Variants in SPATA6L observed in about 807,000 individuals in gnomAD.
SPATA6L encodes the protein spermatogenesis associated 6-like protein.
Under a neutral mutation model 49.2 loss-of-function variants are expected in SPATA6L, and 68 were observed. That is an observed-to-expected ratio of 1.38 (90% CI 1.14 to 1.69). SPATA6L has a LOEUF of 1.69. Ranked by LOEUF, SPATA6L falls within the 40% of genes most tolerant of loss-of-function variation. The pLI is 0.00. For missense variants in SPATA6L, 668 were observed against 464.3 expected (o/e 1.44, Z -4.03); for synonymous variants, 198 against 165.7 (o/e 1.19, Z -1.50).
chr9:4,635,327 G>C lies in SPATA6L; in HGVS notation c.299C>G (p.Ser100Trp). The change falls in exon 4 of 12, where the codon TCG becomes TGG. Residue 100 changes from serine to tryptophan, a missense_variant. By Grantham distance (177) the Ser-to-Trp change is radical (BLOSUM62 -3). Coordinates refer to ENST00000682582, the MANE Select transcript of SPATA6L (RefSeq NM_001353486.2). ...CACCTCCCTACACCTCCTAGGGTGC[G>C]AAGGTGTCAGCTTGGGCTCTGGGAA... ...FLFPEPKLTP[S>W]HPRRCREVLM... 6.3e-7 allele frequency: 1 copy of C among 1,589,730 alleles called. No homozygotes were observed. Among genetic ancestry groups the C allele is most frequent in the African/African-American group, 1.4e-5 (1 of 72,944 alleles).
intron 3 of SPATA6L, among the ~76,000 whole-genome samples, chr9:4,642,671 T>C (rs912483934): frequency 2.0e-5 from 3 of 151,928 alleles, no homozygotes; most frequent in African/African-American, 7.3e-5. Flanking sequence ...AGACATTTGC[T>C]AGTCTCATCT....
chr9:4,620,998 T>C lies in SPATA6L; in HGVS notation c.772+1410A>G, dbSNP rs574440061. 1.2e-4 allele frequency among the ~76,000 whole-genome samples: 19 copies of C among 152,356 alleles called. No homozygotes were observed. The East Asian group carries it at 3.7e-3, about 29-fold the overall frequency. On this transcript the variant is annotated intron_variant, in intron 7 of 11. Transcript: ENST00000682582. Reference sequence around the variant, plus strand: ...GTCCTTGCAGCTGCTGTCAAACAGCTACCACAGTCTAAGAACACTGGCTTA... The same window carrying C: ...GTCCTTGCAGCTGCTGTCAAACAGCCACCACAGTCTAAGAACACTGGCTTA...
intron 9 of SPATA6L, among the ~76,000 whole-genome samples, chr9:4,605,998 G>C (rs923046022): frequency 6.6e-6 from 1 of 152,196 alleles, no homozygotes; most frequent in Non-Finnish European, 1.5e-5. Context: ...GCCTCACTCG[G>C]GAAGCGCAAG....
chr9:4,648,660 A>T (rs947582062), intron 3 of SPATA6L, among the ~76,000 whole-genome samples: 4 of 151,592 alleles, frequency 2.6e-5, no homozygotes, highest in Non-Finnish European at 5.9e-5. Flanking sequence ...AGATTGCGCC[A>T]CTGCACTCCA....
chr9:4,631,374 T>C (rs1432491450), intron 4 of SPATA6L, among the ~76,000 whole-genome samples: 1 of 152,104 alleles, frequency 6.6e-6, no homozygotes, highest in South Asian at 2.1e-4. Flanking sequence ...TAATAGATAA[T>C]TGTGCAATCT....
intron 1 of SPATA6L, chr9:4,663,119 A>G: frequency 6.2e-7 from 1 of 1,614,038 alleles, no homozygotes; most frequent in South Asian, 1.1e-5. Flanking sequence ...TCTTGGGCCT[A>G]TCCAGGGTCA....
chr9:4,648,617 G>A (rs10758639), intron 3 of SPATA6L, among the ~76,000 whole-genome samples: 63,219 of 150,930 alleles, frequency 0.42, 13,431 homozygotes, highest in East Asian at 0.57. Flanking sequence ...GGAGAATGGC[G>A]TGAACCCGGG....
At position 4,625,526 on chromosome 9, in the gene SPATA6L, T is replaced by G. The variant is rs1248342520; in HGVS notation, c.470A>C (p.His157Pro). The change falls in exon 6 of 12, where the codon CAT (histidine) becomes CCT (proline). Residue 157 changes from histidine (H) to proline (P), a missense_variant. Transcript: ENST00000682582. ...HESRRPLSTS[H>P]EPIFPLNTIK... is the part of the protein sequence containing the mutation. ...AGTATTTAAGGGAAATATTGGTTCA[T>G]GTGATGTAGATAAAGGCCTCCGTGA... is the stretch of plus-strand genomic sequence containing the variant. 6.2e-7 allele frequency: 1 copy of G among 1,612,686 alleles called. No homozygotes were observed. Among genetic ancestry groups the G allele is most frequent in the South Asian group, 1.1e-5 (1 of 90,690 alleles).
rs1020123010 is a variant in SPATA6L at position 4,610,392 on chromosome 9, A to G, written c.996-4952T>C. 2.1e-3 allele frequency among the ~76,000 whole-genome samples: 309 copies of G among 146,580 alleles called. 2 individuals carry two copies. The highest frequency in any genetic ancestry group is 7.7e-3 in the African/African-American group (302 of 39,200). ...GGAGGCATCACACTACCTGACTTCA[A>G]ACTATACTACAAGGCTACAGTAACC... On this transcript the variant is annotated intron_variant, in intron 9 of 11. Transcript: ENST00000682582.
chr9:4,611,870 C>T (rs73387221), intron 9 of SPATA6L, among the ~76,000 whole-genome samples: 25 of 151,998 alleles, frequency 1.6e-4, no homozygotes, highest in East Asian at 1.2e-3. Flanking sequence ...TGTTGTTTCA[C>T]GGAGAGATTA....
intron 8 of SPATA6L, 36 bp from the exon 9 acceptor site, chr9:4,618,146 G>T: frequency 6.4e-7 from 1 of 1,551,556 alleles, no homozygotes; most frequent in Non-Finnish European, 8.8e-7. Flanking sequence ...TTGTAATTTT[G>T]CTTCTGTTTG....
chr9:4,623,652 GA>G (rs1256355972), intron 6 of SPATA6L, among the ~76,000 whole-genome samples: 2 of 152,076 alleles, frequency 1.3e-5, no homozygotes, highest in Non-Finnish European at 2.9e-5. Flanking sequence ...TAAAATCACT[GA>G]TAAAAGACTT....
intron 3 of SPATA6L, among the ~76,000 whole-genome samples, chr9:4,648,019 G>A (rs966190255): frequency 2.0e-5 from 3 of 152,034 alleles, no homozygotes; most frequent in African/African-American, 7.2e-5. Context: ...ATTTTTAGTT[G>A]AGATGGAGTT....
At chr9:4,622,570 C>A in intron 6 of SPATA6L, 60 bp from the exon 7 acceptor site, 1 of 1,172,320 alleles carries the variant, frequency 8.5e-7, no homozygotes. Context: ...ACCCTCCCCT[C>A]GTTACCGGAA....
At chr9:4,659,430 C>G (rs1466070086) in intron 2 of SPATA6L, among the ~76,000 whole-genome samples, 1 of 151,294 alleles carries the variant, frequency 6.6e-6, no homozygotes, top group Non-Finnish European at 1.5e-5. Flanking sequence ...TTCACAATTG[C>G]TTCAAAGAGA....
chr9:4,656,158 GC>G, intron 2 of SPATA6L, 69 bp from the exon 3 acceptor site: 1 of 1,317,158 alleles, frequency 7.6e-7, no homozygotes, highest in Non-Finnish European at 1.1e-6. Context: ...AACTGTAAAT[GC>G]CAGGTGCAGT....
In SPATA6L at chr9:4,666,220, T is replaced by G. The variant is rs370831892; in HGVS notation, c.31A>C (p.Ile11Leu). ...GTTCATCGATCTCTTACCGCCCGGA[T>G]CTGCAGCTCCACCACCACCTCCAGA... is the stretch of plus-strand genomic sequence containing the variant. Reference protein sequence around the residue: MPLEVVVELQIRAISCPGVFL... With the variant: MPLEVVVELQLRAISCPGVFL... Residue 11 changes from isoleucine (I) to leucine (L), a missense_variant, in exon 1 of 12, where the codon ATC becomes CTC. Transcript: ENST00000682582. 1.2e-6 allele frequency: 2 copies of G among 1,614,106 alleles called. No homozygotes were observed. Among genetic ancestry groups the G allele is most frequent in the Non-Finnish European group, 1.7e-6 (2 of 1,180,022 alleles).
intron 9 of SPATA6L, among the ~76,000 whole-genome samples, chr9:4,613,569 A>C (rs960506968): frequency 6.6e-6 from 1 of 151,986 alleles, no homozygotes; most frequent in Non-Finnish European, 1.5e-5. Flanking sequence ...TACAAACATT[A>C]TTTCTATTCT....
intron 9 of SPATA6L, among the ~76,000 whole-genome samples, chr9:4,606,405 A>G (rs1348741373): frequency 1.0e-5 from 1 of 99,008 alleles, no homozygotes; most frequent in South Asian, 3.5e-4. Flanking sequence ...CCTGTCTGAC[A>G]GCTTTGAAGA....
Sources: gnomAD v4.1 joint callset for allele counts (sites outside exome capture counted in the v4.1 genomes callset) on GRCh38, gnomAD v4.1.1 for gene constraint, MANE v1.5 for transcripts, NCBI Gene and HGNC (gene_info 2026-07-23, HGNC 2026-07-21) for gene names.